RAI1: variants seen among roughly 807,000 people sequenced by gnomAD.
The protein encoded by RAI1 is retinoic acid induced 1.
Under a neutral mutation model 123.8 loss-of-function variants are expected in RAI1, and 9 were observed. That is an observed-to-expected ratio of 0.07 (90% CI 0.04 to 0.13). The LOEUF (loss-of-function observed/expected upper bound fraction) is 0.13. Ranked by LOEUF, RAI1 falls within the 10% of genes least tolerant of loss-of-function variation. RAI1 has a pLI of 1.00. For synonymous variants in RAI1, 1,231 were observed against 1,127.3 expected (o/e 1.09, Z -1.84); for missense variants, 2,256 against 2,545.8 (o/e 0.89, Z 2.45).
chr17:17,694,760 G>A (rs1424811423), intron 1 of RAI1, among the ~76,000 whole-genome samples: 1 of 149,784 alleles, frequency 6.7e-6, no homozygotes, highest in Non-Finnish European at 1.5e-5. Context: ...CAGGCGGGGG[G>A]CGAGGCGGGG....
Position 17,778,493 on chromosome 17 carries a change from A to G in RAI1, c.-16-14440A>G, listed in dbSNP as rs532473263. Reference sequence around the variant, plus strand: ...CACACAAAGCACAGAGAGGTTAAGTAAACTGCCCAAGGTCACCCAGCATAT... The same window carrying G: ...CACACAAAGCACAGAGAGGTTAAGTGAACTGCCCAAGGTCACCCAGCATAT... On this transcript the variant is annotated intron_variant, in intron 2 of 5. Coordinates refer to ENST00000353383, the MANE Select transcript of RAI1 (RefSeq NM_030665.4). 1.6e-4 allele frequency: 56 copies of G among 340,128 alleles called. No homozygotes were observed. The East Asian group carries it at 4.0e-3, about 24-fold the overall frequency. The allele number at this position is 340,128 out of a possible 1,614,324, so 21.1% of individuals were successfully genotyped here. A position where few individuals can be genotyped will look rare whatever the true frequency, so the allele number is the denominator to read the frequency against.
chr17:17,779,119 A>T, intron 2 of RAI1: 3 of 351,940 alleles, frequency 8.5e-6, no homozygotes, highest in South Asian at 6.6e-5. Context: ...CCAGTTGTCC[A>T]TTCAGACACA....
Position 17,797,811 on chromosome 17 carries a change from C to T in RAI1, c.4863C>T (p.Pro1621=). 6.2e-7 allele frequency: 1 copy of T among 1,614,062 alleles called. No individual in the cohort carries two copies. Among genetic ancestry groups the T allele is most frequent in the East Asian group, 2.2e-5 (1 of 44,856 alleles). The stretch of plus-strand genomic sequence containing the variant: ...TTGTCAACTCCCCTGGAGATGCGCC[C>T]AAGCCCCACAGGAAGCCTTCCTCCT... ...CTVVNSPGDA[P]KPHRKPSSSA... The change falls in exon 3 of 6, where the codon CCC becomes CCT. Residue 1621 remains proline (P), a synonymous_variant. Transcript: ENST00000353383.
chr17:17,794,867 C>A lies in RAI1; in HGVS notation c.1919C>A (p.Pro640His). ...CTGGTCAAGGACAGCAGCAAGCCAC[C>A]CTTCTCGCTGGAGAACCACAGCGCC... ...PSLVKDSSKP[P>H]FSLENHSACL... Residue 640 changes from proline to histidine, a missense_variant, in exon 3 of 6, where the codon CCC becomes CAC. Around this residue, in one of 7 missense-constraint regions of RAI1, gnomAD observed 566 missense variants for 616.0 expected, o/e 0.92. Coordinates refer to ENST00000353383, the MANE Select transcript of RAI1 (RefSeq NM_030665.4). 6.2e-7 allele frequency: 1 copy of A among 1,613,326 alleles called. No homozygotes were observed. The highest frequency in any genetic ancestry group is 8.5e-7 in the Non-Finnish European group (1 of 1,179,978).
chr17:17,764,881 C>T (rs983742527), intron 2 of RAI1, among the ~76,000 whole-genome samples: 1 of 152,254 alleles, frequency 6.6e-6, no homozygotes, highest in Non-Finnish European at 1.5e-5. Context: ...TGAGCCACCG[C>T]GCCTGGCCTC....
intron 2 of RAI1, among the ~76,000 whole-genome samples, chr17:17,725,130 G>T (rs930534536): frequency 6.6e-6 from 1 of 152,036 alleles, no homozygotes; most frequent in Non-Finnish European, 1.5e-5. Context: ...GGGCAGGGAG[G>T]GGGCTGGGGG....
chr17:17,708,854 C>T (rs571054086), intron 1 of RAI1, among the ~76,000 whole-genome samples: 80 of 152,320 alleles, frequency 5.3e-4, no homozygotes, highest in Non-Finnish European at 9.4e-4. Flanking sequence ...GCAGTTCATC[C>T]GGAAACAACC....
At position 17,799,212 on chromosome 17, in the gene RAI1, G is replaced by C. The variant is rs747854968; in HGVS notation, c.5565+699G>C. 2.6e-5 allele frequency among the ~76,000 whole-genome samples: 4 copies of C among 152,202 alleles called. No individual in the cohort carries two copies. The highest frequency in any genetic ancestry group is 6.5e-5 in the Admixed American group (1 of 15,290). ...TTTGGGGCTGTGACCTGCCCTCTCT[G>C]TGCCTCCGTCCCCTCGCCCCTAACG... is the stretch of plus-strand genomic sequence containing the variant. On this transcript the variant is annotated intron_variant, in intron 3 of 5. Coordinates refer to ENST00000353383, the MANE Select transcript of RAI1 (RefSeq NM_030665.4). The surrounding 1 kb of genome is among the most constrained non-coding windows in gnomAD (Gnocchi z 4.5).
intron 3 of RAI1, among the ~76,000 whole-genome samples, chr17:17,798,991 G>A (rs181570772): frequency 1.0e-3 from 154 of 152,214 alleles, no homozygotes; most frequent in African/African-American, 3.6e-3. Context: ...CCTCTCTGGC[G>A]ACACAGGCTT....
At chr17:17,704,593 G>A (rs1018609722) in intron 1 of RAI1, among the ~76,000 whole-genome samples, 1 of 152,172 alleles carries the variant, frequency 6.6e-6, no homozygotes, top group Non-Finnish European at 1.5e-5. Context: ...ACCTTGGTGA[G>A]TCCCTTTTCT....
At chr17:17,782,570 C>T (rs978176102) in intron 2 of RAI1, among the ~76,000 whole-genome samples, 5 of 148,948 alleles carry the variant, frequency 3.4e-5, no homozygotes, top group African/African-American at 1.2e-4. Flanking sequence ...GAGGGAAGCG[C>T]TCCATTATTC....
rs767828696 is a variant in RAI1 at position 17,797,077 on chromosome 17, G to A, written c.4129G>A (p.Gly1377Arg). 29 of 1,614,008 alleles carry A rather than the reference G, an allele frequency of 1.8e-5. 1 individual carries two copies. Among genetic ancestry groups the A allele is most frequent in the Non-Finnish European group, 2.0e-5 (24 of 1,180,046 alleles). The change falls in exon 3 of 6, where the codon GGG (glycine) becomes AGG (arginine). Residue 1377 changes from glycine (G) to arginine (R), a missense_variant. Coordinates refer to ENST00000353383, the MANE Select transcript of RAI1 (RefSeq NM_030665.4). ...CAAGGGTGCTGGGGGCAGCCCAGTG[G>A]GGGTGGAAGAAGGCCTGGTAAATGT... Reference protein sequence around the residue: ...GLKGAGGSPVGVEEGLVNVGT... With the variant: ...GLKGAGGSPVRVEEGLVNVGT...
chr17:17,715,049 G>A (rs1054351560), intron 1 of RAI1, among the ~76,000 whole-genome samples: 29 of 152,242 alleles, frequency 1.9e-4, no homozygotes, highest in Non-Finnish European at 1.5e-5. Flanking sequence ...AACGGGTTCA[G>A]AGAGGGTGTA....
Position 17,800,158 on chromosome 17 carries a change from C to G in RAI1, c.5565+1645C>G, listed in dbSNP as rs1037135822. ...TCCCAGTTAGTGATTTTTTGCCTCT[C>G]TCCTGCTTTCTGTCTCTCTCTGTCT... On this transcript the variant is annotated intron_variant, in intron 3 of 5. Coordinates refer to ENST00000353383, the MANE Select transcript of RAI1 (RefSeq NM_030665.4). This position sits in a 1 kb window ranked among gnomAD's most constrained non-coding sequence, Gnocchi z 4.7. Among the ~76,000 whole-genome samples the G allele has an allele frequency of 1.3e-5, 2 of 150,964 alleles. No individual in the cohort carries two copies. The highest frequency in any genetic ancestry group is 2.9e-5 in the Non-Finnish European group (2 of 67,878).
At chr17:17,710,110 GCA>G (rs1915520155) in intron 1 of RAI1, among the ~76,000 whole-genome samples, 1 of 152,194 alleles carries the variant, frequency 6.6e-6, no homozygotes, top group Non-Finnish European at 1.5e-5. Flanking sequence ...AAGACCTCGA[GCA>G]CACACAGACA....
chr17:17,778,654 C>T, intron 2 of RAI1: 1 of 448,274 alleles, frequency 2.2e-6, no homozygotes, highest in Non-Finnish European at 4.5e-6. Context: ...CCTATGAGCC[C>T]TCACAGTTCA....
At chr17:17,782,535 C>T (rs1276086009) in intron 2 of RAI1, among the ~76,000 whole-genome samples, 2 of 151,610 alleles carry the variant, frequency 1.3e-5, no homozygotes, top group Admixed American at 6.6e-5. Flanking sequence ...GGCAGTGGCC[C>T]CCCGCCCGCA....
At chr17:17,715,971 G>A (rs1339100570) in intron 1 of RAI1, among the ~76,000 whole-genome samples, 1 of 152,248 alleles carries the variant, frequency 6.6e-6, no homozygotes, top group Non-Finnish European at 1.5e-5. Flanking sequence ...TTTTGCAGAT[G>A]ACAAACTATG....
Position 17,795,106 on chromosome 17 carries a change from G to C in RAI1, c.2158G>C (p.Asp720His). ...GCCCACCCTTGGGGTTCCTGCTCCA[G>C]ACCCCACTACAGCAGCTTTTGACTG... ...TKPTLGVPAPDPTTAAFDCFP... is the reference protein window; with the variant it reads ...TKPTLGVPAPHPTTAAFDCFP... The change falls in exon 3 of 6, where the codon GAC becomes CAC. Residue 720 changes from aspartate to histidine, a missense_variant. Asp to His is a moderately conservative substitution (Grantham distance 81). Around this residue, in one of 7 missense-constraint regions of RAI1, gnomAD observed 566 missense variants for 616.0 expected, o/e 0.92. Transcript: ENST00000353383. The surrounding 1 kb of genome is among the most constrained non-coding windows in gnomAD (Gnocchi z 5.9). 1 of 1,614,060 alleles carries C rather than the reference G, an allele frequency of 6.2e-7. No homozygotes were observed. The highest frequency in any genetic ancestry group is 8.5e-7 in the Non-Finnish European group (1 of 1,180,024).
Sources: gnomAD v4.1 joint callset for allele counts (sites outside exome capture counted in the v4.1 genomes callset) on GRCh38, gnomAD v4.1.1 for gene constraint, gnomAD v4.1.1 regional missense constraint, Gnocchi (gnomAD v3.1) non-coding constraint, MANE v1.5 for transcripts, NCBI Gene and HGNC (gene_info 2026-07-23, HGNC 2026-07-21) for gene names.